The following GRID2 variants were observed in gnomAD, a reference collection of about 807,000 sequenced individuals.
The protein encoded by GRID2 is glutamate ionotropic receptor delta type subunit 2.
A neutral mutation model predicts 114.8 loss-of-function variants in GRID2; 33 were observed. The ratio of observed to expected loss-of-function variants is 0.29; its 90% CI spans 0.22 to 0.38. GRID2 has a LOEUF of 0.38. GRID2 is among the 10% of genes least tolerant of loss of function. GRID2 has a pLI of 1.00. For synonymous variants in GRID2, 505 were observed against 449.9 expected, an observed-to-expected ratio of 1.12 and a Z score of -1.55; for missense variants, 1,184 against 1,257.7, an observed-to-expected ratio of 0.94 and a Z score of 0.89.
intron 1 of GRID2, among the ~76,000 whole-genome samples, chr4:92,587,571 G>GT (rs1728508647): frequency 6.6e-6 from 1 of 152,092 alleles, no homozygotes. Context: ...GAAGAAAAAA[G>GT]TAAATAAATA....
At chr4:93,071,281 G>T (rs1160325159) in intron 2 of GRID2, among the ~76,000 whole-genome samples, 5 of 151,980 alleles carry the variant, frequency 3.3e-5, no homozygotes, top group Admixed American at 6.6e-5. Flanking sequence ...CACCATGTCT[G>T]CCCTAATGAT....
At chr4:93,597,238 A>G (rs1222853838) in intron 13 of GRID2, among the ~76,000 whole-genome samples, 1 of 152,238 alleles carries the variant, frequency 6.6e-6, no homozygotes, top group Non-Finnish European at 1.5e-5. Flanking sequence ...TAACAAATTG[A>G]AAATTAATTT....
intron 2 of GRID2, among the ~76,000 whole-genome samples, chr4:93,061,362 T>C (rs1370442246): frequency 6.6e-6 from 1 of 151,862 alleles, no homozygotes. Context: ...AGCGGCTAGA[T>C]AGAACATGCT....
chr4:93,767,037 A>C (rs1733731512), intron 14 of GRID2, among the ~76,000 whole-genome samples: 1 of 152,188 alleles, frequency 6.6e-6, no homozygotes, highest in Admixed American at 6.6e-5. Context: ...TGCCTAACAC[A>C]GTGCTGGAAA....
intron 1 of GRID2, among the ~76,000 whole-genome samples, chr4:92,385,596 T>C (rs917934683): frequency 6.6e-6 from 1 of 151,552 alleles, no homozygotes; most frequent in South Asian, 2.1e-4. Context: ...ACAGAGTTTT[T>C]CAGCTGCATT....
At chr4:92,764,694 G>A (rs943652780) in intron 2 of GRID2, among the ~76,000 whole-genome samples, 1 of 151,968 alleles carries the variant, frequency 6.6e-6, no homozygotes, top group African/African-American at 2.4e-5. Context: ...CTCTTCTAAG[G>A]CTTTAAAAGA....
intron 13 of GRID2, among the ~76,000 whole-genome samples, chr4:93,613,199 A>G (rs1477521319): frequency 6.8e-6 from 1 of 147,826 alleles, no homozygotes; most frequent in Non-Finnish European, 1.5e-5. Context: ...TGGTTATTCT[A>G]GTTATACATT....
chr4:93,387,220 A>G (rs749629335), intron 8 of GRID2, among the ~76,000 whole-genome samples: 3 of 152,210 alleles, frequency 2.0e-5, no homozygotes, highest in Non-Finnish European at 4.4e-5. Context: ...GATGAAAAGT[A>G]TCTAACATAG....
intron 2 of GRID2, among the ~76,000 whole-genome samples, chr4:92,591,076 C>T (rs1728688556): frequency 1.3e-5 from 2 of 152,208 alleles, no homozygotes; most frequent in South Asian, 4.2e-4. Context: ...TACCCCGCTG[C>T]ATAGGTTGAA....
Position 93,441,495 on chromosome 4 carries a change from T to C in GRID2, c.1546-14167T>C, listed in dbSNP as rs186732520. ...TAATATATTTCCTCTTTCTCTTTTTTTGCAATGGTGAATACTTTACTAAAT... is the reference window on the plus strand; with the variant it reads ...TAATATATTTCCTCTTTCTCTTTTTCTGCAATGGTGAATACTTTACTAAAT... On this transcript the variant is annotated intron_variant, in intron 10 of 15. Coordinates refer to ENST00000282020, the MANE Select transcript of GRID2 (RefSeq NM_001510.4). Among the ~76,000 whole-genome samples the C allele has an allele frequency of 9.4e-4, 143 of 152,022 alleles. 1 individual carries two copies. Among genetic ancestry groups the C allele is most frequent in the African/African-American group, 3.2e-3 (133 of 41,544 alleles).
chr4:92,384,601 A>AT (rs1166684828), intron 1 of GRID2, among the ~76,000 whole-genome samples: 1 of 51,756 alleles, frequency 1.9e-5, no homozygotes, highest in Non-Finnish European at 3.7e-5. Flanking sequence ...TATATAACAT[A>AT]ATATATAATA....
chr4:93,680,583 A>T (rs1292157972), intron 14 of GRID2, among the ~76,000 whole-genome samples: 2 of 151,742 alleles, frequency 1.3e-5, no homozygotes, highest in East Asian at 3.9e-4. Flanking sequence ...ATCCACCATG[A>T]TCAAGTGGGC....
chr4:93,363,623 C>A (rs1198134064), intron 8 of GRID2, among the ~76,000 whole-genome samples: 1 of 151,950 alleles, frequency 6.6e-6, no homozygotes. Context: ...TATTTACCTT[C>A]TTTTGTGACA....
At chr4:92,392,097 A>G (rs1730266629) in intron 1 of GRID2, among the ~76,000 whole-genome samples, 1 of 152,304 alleles carries the variant, frequency 6.6e-6, no homozygotes, top group Non-Finnish European at 1.5e-5. Context: ...GAAGATTTAC[A>G]TTGATTGACC....
intron 2 of GRID2, among the ~76,000 whole-genome samples, chr4:93,060,964 G>A (rs997731990): frequency 5.3e-5 from 8 of 151,930 alleles, no homozygotes; most frequent in African/African-American, 4.8e-5. Context: ...TCAGCCAGAC[G>A]TGGTGGCATG....
chr4:93,295,006 A>T (rs542068441), intron 8 of GRID2, among the ~76,000 whole-genome samples: 130 of 152,314 alleles, frequency 8.5e-4, no homozygotes, highest in African/African-American at 3.0e-3. Context: ...GAGCAACAGG[A>T]AGGACAGGTG....
At chr4:92,581,015 A>G (rs1416347007) in intron 1 of GRID2, among the ~76,000 whole-genome samples, 2 of 151,734 alleles carry the variant, frequency 1.3e-5, no homozygotes, top group Admixed American at 1.3e-4. Context: ...TTGTAATAAT[A>G]GGATATTGTT....
chr4:93,638,042 A>G (rs995730172), intron 14 of GRID2, among the ~76,000 whole-genome samples: 3 of 152,142 alleles, frequency 2.0e-5, no homozygotes, highest in Non-Finnish European at 2.9e-5. Context: ...TCATTATTCT[A>G]TATAGCCCAG....
intron 14 of GRID2, among the ~76,000 whole-genome samples, chr4:93,762,500 C>A (rs1378585314): frequency 6.6e-6 from 1 of 152,014 alleles, no homozygotes; most frequent in East Asian, 1.9e-4. Context: ...TATGACAGGA[C>A]AAGAAGCTTG....
Sources: gnomAD v4.1 joint callset for allele counts (sites outside exome capture counted in the v4.1 genomes callset) on GRCh38, gnomAD v4.1.1 for gene constraint, MANE v1.5 for transcripts, NCBI Gene and HGNC (gene_info 2026-07-23, HGNC 2026-07-21) for gene names.